The following AFG2A variants were observed in gnomAD, a reference collection of about 807,000 sequenced individuals.
AFG2A encodes the protein ATPase family gene 2 protein homolog A.
At chr4:123,123,564 A>G in the AFG2A span, among the ~76,000 whole-genome samples, 584 of 152,314 alleles carry the variant, frequency 3.8e-3, 2 homozygotes, top group Non-Finnish European at 6.7e-3. Flanking sequence ...ATACTCTGCA[A>G]TAAAAGTATC....
the AFG2A span, chr4:123,315,179 T>C: frequency 1.8e-4 from 17 of 94,098 alleles, no homozygotes; most frequent in African/African-American, 4.9e-4. Context: ...ATAGGCCAAA[T>C]TGTACTTTTT....
At chr4:122,940,284 C>T in the AFG2A span, among the ~76,000 whole-genome samples, 1 of 152,122 alleles carries the variant, frequency 6.6e-6, no homozygotes, top group East Asian at 1.9e-4. Context: ...CACATCCTCT[C>T]TAGCACCTGT....
the AFG2A span, among the ~76,000 whole-genome samples, chr4:123,109,479 T>C: frequency 0.038 from 5,847 of 152,214 alleles, 233 homozygotes; most frequent in African/African-American, 0.1. Flanking sequence ...AATTATAATA[T>C]GGCTTATAGA....
the AFG2A span, among the ~76,000 whole-genome samples, chr4:123,284,272 C>T: frequency 2.6e-5 from 4 of 152,118 alleles, no homozygotes; most frequent in East Asian, 1.9e-4. Flanking sequence ...CAGACACCCC[C>T]GATTATCTAA....
At chr4:123,105,635 T>G in the AFG2A span, among the ~76,000 whole-genome samples, 1 of 152,132 alleles carries the variant, frequency 6.6e-6, no homozygotes, top group Non-Finnish European at 1.5e-5. Flanking sequence ...AACAGGAGTC[T>G]AGAAGAAGTT....
At chr4:122,935,200 C>T in the AFG2A span, among the ~76,000 whole-genome samples, 3 of 152,122 alleles carry the variant, frequency 2.0e-5, no homozygotes, top group African/African-American at 7.2e-5. Flanking sequence ...CATATATTTG[C>T]TGTGTCTGAT....
At chr4:123,037,922 A>G in the AFG2A span, among the ~76,000 whole-genome samples, 2 of 151,978 alleles carry the variant, frequency 1.3e-5, no homozygotes, top group East Asian at 1.9e-4. Flanking sequence ...CATTCTTATC[A>G]TTTCTGCCAT....
At chr4:123,017,140 A>G in the AFG2A span, among the ~76,000 whole-genome samples, 2 of 88,456 alleles carry the variant, frequency 2.3e-5, no homozygotes, top group Admixed American at 1.2e-4. Flanking sequence ...GACCGTGGGG[A>G]GAGGGAGAGG....
the AFG2A span, among the ~76,000 whole-genome samples, chr4:123,118,436 C>CT: frequency 5.3e-3 from 782 of 148,718 alleles, 7 homozygotes; most frequent in Middle Eastern, 0.017. Flanking sequence ...CAGTACTTTG[C>CT]TTTTTTGATT....
chr4:122,968,711 T>C, the AFG2A span, among the ~76,000 whole-genome samples: 1 of 152,192 alleles, frequency 6.6e-6, no homozygotes, highest in Non-Finnish European at 1.5e-5. Context: ...AATTATTGGG[T>C]TATAGGATTC....
At chr4:123,145,120 G>A in the AFG2A span, among the ~76,000 whole-genome samples, 1 of 151,998 alleles carries the variant, frequency 6.6e-6, no homozygotes, top group Non-Finnish European at 1.5e-5. Flanking sequence ...TCTAGAGGCT[G>A]TGCCTTGCAT....
At chr4:123,292,985 G>A in the AFG2A span, among the ~76,000 whole-genome samples, 11 of 152,138 alleles carry the variant, frequency 7.2e-5, no homozygotes, top group Admixed American at 1.3e-4. Flanking sequence ...GCAGGAGAAA[G>A]GGAGGGAGCC....
chr4:123,242,962 A>T, the AFG2A span, among the ~76,000 whole-genome samples: 9 of 152,248 alleles, frequency 5.9e-5, no homozygotes, highest in African/African-American at 1.9e-4. Flanking sequence ...CCCTCAAAAG[A>T]AGACATTTAT....
chr4:123,020,202 CACAT>C, the AFG2A span, among the ~76,000 whole-genome samples: 2 of 151,952 alleles, frequency 1.3e-5, no homozygotes, highest in Non-Finnish European at 2.9e-5. Flanking sequence ...CACACACACA[CACAT>C]GCACACAGAC....
the AFG2A span, chr4:122,934,164 A>T: frequency 6.2e-7 from 1 of 1,614,192 alleles, no homozygotes; most frequent in Non-Finnish European, 8.5e-7. Context: ...ACAAGCTGCA[A>T]GTATTGCGAG....
At chr4:123,020,336 A>G in the AFG2A span, among the ~76,000 whole-genome samples, 1 of 152,076 alleles carries the variant, frequency 6.6e-6, no homozygotes, top group Non-Finnish European at 1.5e-5. Context: ...CTTTAAAAAT[A>G]ACAATTTTTG....
At chr4:123,146,771 G>A in the AFG2A span, among the ~76,000 whole-genome samples, 1 of 125,434 alleles carries the variant, frequency 8.0e-6, no homozygotes, top group Non-Finnish European at 1.8e-5. Context: ...GATCACAAGG[G>A]GTGGATGCCA....
At chr4:123,243,534 G>A in the AFG2A span, among the ~76,000 whole-genome samples, 1 of 152,114 alleles carries the variant, frequency 6.6e-6, no homozygotes, top group Admixed American at 6.6e-5. Context: ...ACTCATAGGT[G>A]GGAATTGAAC....
the AFG2A span, among the ~76,000 whole-genome samples, chr4:123,018,640 C>CTT: frequency 4.8e-5 from 7 of 145,154 alleles, no homozygotes; most frequent in Admixed American, 2.8e-4. Context: ...TAATAATAAG[C>CTT]TTTTTTTTTT....
Sources: allele counts gnomAD v4.1 joint callset (sites outside exome capture counted in the v4.1 genomes callset), GRCh38; gene constraint gnomAD v4.1.1; transcripts MANE v1.5; gene names NCBI Gene and HGNC (gene_info 2026-07-23, HGNC 2026-07-21).